Variants in TEAD1 observed in about 807,000 individuals in gnomAD.
TEAD1 encodes transcriptional enhancer factor TEF-1.
A neutral mutation model predicts 54.9 loss-of-function variants in TEAD1; 9 were observed. That is an observed-to-expected ratio of 0.16 (90% CI 0.10 to 0.29). TEAD1 has a LOEUF of 0.29. Ranked by LOEUF, TEAD1 falls within the 10% of genes least tolerant of loss-of-function variation. The pLI is 1.00. For missense variants in TEAD1, 387 were observed against 535.9 expected (o/e 0.72, Z 2.74); for synonymous variants, 200 against 187.8 (o/e 1.07, Z -0.53).
At chr11:12,765,472 A>G (rs1442994520) in intron 3 of TEAD1, among the ~76,000 whole-genome samples, 2 of 152,162 alleles carry the variant, frequency 1.3e-5, no homozygotes, top group Non-Finnish European at 2.9e-5. Flanking sequence ...CATGGGAGTG[A>G]TTATTTCTGA....
chr11:12,719,945 T>C (rs1259947733), intron 2 of TEAD1, among the ~76,000 whole-genome samples: 1 of 132,122 alleles, frequency 7.6e-6, no homozygotes, highest in Non-Finnish European at 1.6e-5. Context: ...TTTGGAAATC[T>C]AATGTTTTTT....
At chr11:12,770,057 G>A (rs7117733) in intron 3 of TEAD1, among the ~76,000 whole-genome samples, 1 of 152,180 alleles carries the variant, frequency 6.6e-6, no homozygotes, top group Non-Finnish European at 1.5e-5. Flanking sequence ...TTTTATGTTG[G>A]CAAATGTTAG....
At chr11:12,738,057 G>A (rs1328337945) in intron 2 of TEAD1, among the ~76,000 whole-genome samples, 1 of 151,974 alleles carries the variant, frequency 6.6e-6, no homozygotes, top group African/African-American at 2.4e-5. Flanking sequence ...GAACAGTATG[G>A]GGGAAATTGC....
chr11:12,698,738 C>T (rs1001063950), intron 2 of TEAD1, among the ~76,000 whole-genome samples: 1 of 152,012 alleles, frequency 6.6e-6, no homozygotes, highest in African/African-American at 2.4e-5. Context: ...AGATCCCATC[C>T]CAGACCTGCT....
intron 3 of TEAD1, among the ~76,000 whole-genome samples, chr11:12,812,361 A>G (rs1946320396): frequency 6.6e-6 from 1 of 152,156 alleles, no homozygotes; most frequent in African/African-American, 2.4e-5. Flanking sequence ...TGGTATTATC[A>G]TTATTAGAAT....
intron 2 of TEAD1, among the ~76,000 whole-genome samples, chr11:12,754,069 T>G (rs1179832968): frequency 6.6e-6 from 1 of 152,244 alleles, no homozygotes; most frequent in Non-Finnish European, 1.5e-5. Context: ...CTAGATTCTC[T>G]AATCTGATTC....
chr11:12,832,199 G>C (rs1564956165), intron 3 of TEAD1, among the ~76,000 whole-genome samples: 2 of 151,998 alleles, frequency 1.3e-5, no homozygotes, highest in Non-Finnish European at 2.9e-5. Context: ...CTGTTCATTT[G>C]TATCTTCATA....
intron 3 of TEAD1, among the ~76,000 whole-genome samples, chr11:12,815,199 C>T (rs901633917): frequency 5.3e-5 from 8 of 152,192 alleles, no homozygotes; most frequent in Admixed American, 1.3e-4. Flanking sequence ...GTTTATCTCC[C>T]GCAGTGGGCT....
intron 3 of TEAD1, among the ~76,000 whole-genome samples, chr11:12,809,974 CTTTT>C (rs55647097): frequency 2.6e-5 from 3 of 115,664 alleles, no homozygotes; most frequent in Admixed American, 9.3e-5. Context: ...TTTCCCCATT[CTTTT>C]TTTTTTTTTT....
At chr11:12,791,134 T>A (rs1220529136) in intron 3 of TEAD1, among the ~76,000 whole-genome samples, 1 of 152,206 alleles carries the variant, frequency 6.6e-6, no homozygotes, top group African/African-American at 2.4e-5. Flanking sequence ...TAGAGGAGAT[T>A]TCCAGGGATA....
intron 3 of TEAD1, among the ~76,000 whole-genome samples, chr11:12,796,887 G>A (rs1477292353): frequency 2.0e-5 from 3 of 152,082 alleles, no homozygotes; most frequent in Non-Finnish European, 2.9e-5. Context: ...CGAGGTGGGC[G>A]GATCACGAGG....
chr11:12,881,101 C>A, intron 7 of TEAD1, 50 bp downstream of exon 7: 2 of 1,599,210 alleles, frequency 1.3e-6, no homozygotes, highest in Non-Finnish European at 1.7e-6. Flanking sequence ...GGTCCCAGCC[C>A]ACGTGGGGAG....
chr11:12,816,046 C>T (rs1946407751), intron 3 of TEAD1, among the ~76,000 whole-genome samples: 1 of 152,172 alleles, frequency 6.6e-6, no homozygotes, highest in Admixed American at 6.5e-5. Context: ...TAGACAGGGC[C>T]TCTGTTAAGG....
In TEAD1 at chr11:12,750,071, A is replaced by G. The variant is rs145664204; in HGVS notation, c.-54-14108A>G. Among the ~76,000 whole-genome samples, 631 of 152,318 alleles carry G rather than the reference A, an allele frequency of 4.1e-3. 5 individuals are homozygous for G. The highest frequency in any genetic ancestry group is 0.014 in the African/African-American group (597 of 41,566). ...TGGGGACTTGCTTGTGTTGGTGATC[A>G]TTGGGACCCAGTTGACATTTGTGAA... is the stretch of plus-strand genomic sequence containing the variant. On this transcript the variant is annotated intron_variant, in intron 2 of 12. Coordinates refer to ENST00000527636, the MANE Select transcript of TEAD1 (RefSeq NM_021961.6).
At chr11:12,683,813 T>G (rs559073755) in intron 2 of TEAD1, among the ~76,000 whole-genome samples, 6 of 152,070 alleles carry the variant, frequency 3.9e-5, no homozygotes, top group Non-Finnish European at 8.8e-5. Flanking sequence ...TGTTTCCTGA[T>G]TTTGGTTTGG....
At chr11:12,887,103 T>G (rs1478027944) in intron 9 of TEAD1, among the ~76,000 whole-genome samples, 2 of 149,832 alleles carry the variant, frequency 1.3e-5, no homozygotes, top group African/African-American at 4.9e-5. Flanking sequence ...GTTTGTTTTT[T>G]TTTTTTTTGG....
intron 2 of TEAD1, among the ~76,000 whole-genome samples, chr11:12,683,872 G>T (rs548573009): frequency 3.3e-5 from 5 of 152,130 alleles, no homozygotes; most frequent in Admixed American, 2.6e-4. Flanking sequence ...TTGGACACAC[G>T]TTGGCTCAGC....
intron 7 of TEAD1, among the ~76,000 whole-genome samples, chr11:12,881,673 C>T (rs868042818): frequency 6.6e-6 from 1 of 152,182 alleles, no homozygotes; most frequent in African/African-American, 2.4e-5. Context: ...CTTTCCAGCA[C>T]ATCCCATTGA....
rs145133980 is a variant in TEAD1 at position 12,754,336 on chromosome 11, G to A, written c.-54-9843G>A. On this transcript the variant is annotated intron_variant, in intron 2 of 12. Coordinates refer to ENST00000527636, the MANE Select transcript of TEAD1 (RefSeq NM_021961.6). Reference sequence around the variant, plus strand: ...CAGGCTCTGCCTCTGCCTCTGCCCCGGAGGAGTTTTATGATCATGTTTTGG... The same window carrying A: ...CAGGCTCTGCCTCTGCCTCTGCCCCAGAGGAGTTTTATGATCATGTTTTGG... Among the ~76,000 whole-genome samples, 131 of 152,274 alleles carry A rather than the reference G, an allele frequency of 8.6e-4. 1 individual carries two copies. Among genetic ancestry groups the A allele is most frequent in the Admixed American group, 5.9e-3 (90 of 15,288 alleles).
Sources: gnomAD v4.1 joint callset for allele counts (sites outside exome capture counted in the v4.1 genomes callset) on GRCh38, gnomAD v4.1.1 for gene constraint, MANE v1.5 for transcripts, NCBI Gene and HGNC (gene_info 2026-07-23, HGNC 2026-07-21) for gene names.